The following SLC12A8 variants were observed in gnomAD, a reference collection of about 807,000 sequenced individuals.
SLC12A8 encodes the protein solute carrier family 12 member 8, also known as cation-chloride cotransporter 9.
A neutral mutation model predicts 75.6 loss-of-function variants in SLC12A8; 69 were observed. The ratio of observed to expected loss-of-function variants is 0.91; its 90% CI spans 0.75 to 1.11. The LOEUF (loss-of-function observed/expected upper bound fraction) is 1.11. Ranked by LOEUF, SLC12A8 falls within the 50% of genes most tolerant of loss-of-function variation. SLC12A8 has a pLI of 0.00. For synonymous variants in SLC12A8, 365 were observed against 372.8 expected (o/e 0.98, Z 0.24); for missense variants, 877 against 896.7 (o/e 0.98, Z 0.28).
At chr3:125,130,652 G>T (rs4134412) in intron 6 of SLC12A8, among the ~76,000 whole-genome samples, 2 of 152,040 alleles carry the variant, frequency 1.3e-5, no homozygotes, top group African/African-American at 2.4e-5. Flanking sequence ...ACAAAAGCTT[G>T]GGAGTTGGAC....
At chr3:125,139,995 C>A (rs74402096) in intron 5 of SLC12A8, among the ~76,000 whole-genome samples, 61 of 152,328 alleles carry the variant, frequency 4.0e-4, no homozygotes, top group African/African-American at 1.3e-3. Flanking sequence ...TACATCTGCA[C>A]GTGAGATTGT....
intron 10 of SLC12A8, among the ~76,000 whole-genome samples, chr3:125,103,637 A>C (rs1256836803): frequency 6.6e-6 from 1 of 151,488 alleles, no homozygotes; most frequent in African/African-American, 2.4e-5. Context: ...GCTCATTGAA[A>C]AAAAATTTTT....
At chr3:125,112,239 C>T (rs1939205879) in intron 8 of SLC12A8, among the ~76,000 whole-genome samples, 1 of 152,162 alleles carries the variant, frequency 6.6e-6, no homozygotes, top group South Asian at 2.1e-4. Flanking sequence ...CTGTTGATTC[C>T]TTTCTTTATC....
chr3:125,101,092 A>G (rs967901892), intron 10 of SLC12A8, among the ~76,000 whole-genome samples: 1 of 152,136 alleles, frequency 6.6e-6, no homozygotes, highest in African/African-American at 2.4e-5. Context: ...AGTTCAAAAC[A>G]AATACCCATT....
At chr3:125,133,693 T>C (rs77488087) in intron 6 of SLC12A8, among the ~76,000 whole-genome samples, 2,716 of 152,286 alleles carry the variant, frequency 0.018, 84 homozygotes, top group African/African-American at 0.062. Context: ...CCCAAAGTTC[T>C]GAGATTGTAG....
chr3:125,181,736 G>C (rs1299998785), intron 4 of SLC12A8, among the ~76,000 whole-genome samples: 2 of 146,806 alleles, frequency 1.4e-5, no homozygotes, highest in Non-Finnish European at 3.0e-5. Context: ...TAATGAAATA[G>C]AAGAAAAAAT....
At chr3:125,130,121 T>G (rs748186945) in intron 6 of SLC12A8, among the ~76,000 whole-genome samples, 7 of 152,316 alleles carry the variant, frequency 4.6e-5, no homozygotes, top group Non-Finnish European at 8.8e-5. Flanking sequence ...TATGCGCTAT[T>G]ATCATTTTAC....
chr3:125,167,099 CT>C (rs1481250433), intron 5 of SLC12A8, among the ~76,000 whole-genome samples: 2 of 151,954 alleles, frequency 1.3e-5, no homozygotes, highest in Non-Finnish European at 2.9e-5. Context: ...AAATGAATAT[CT>C]GTTATACTCT....
chr3:125,190,416 T>C lies in SLC12A8; in HGVS notation c.157A>G (p.Ile53Val). ...DGVFTSCMINIFGVVLFLRTG... is the reference protein window; with the variant it reads ...DGVFTSCMINVFGVVLFLRTG... Reference sequence around the variant, plus strand: ...CTCAGGAAGAGCACAACCCCAAAGATGTTGATCATGCAGGATGTGAACACA... The same window carrying C: ...CTCAGGAAGAGCACAACCCCAAAGACGTTGATCATGCAGGATGTGAACACA... Residue 53 changes from isoleucine to valine, a missense_variant, in exon 3 of 14, where the codon ATC (isoleucine) becomes GTC (valine). Transcript: ENST00000469902. 4 of 1,614,172 alleles carry C rather than the reference T, an allele frequency of 2.5e-6. No individual in the cohort carries two copies. Among genetic ancestry groups the C allele is most frequent in the South Asian group, 1.1e-5 (1 of 91,070 alleles).
chr3:125,153,813 T>C (rs956567726), intron 5 of SLC12A8, among the ~76,000 whole-genome samples: 11 of 152,154 alleles, frequency 7.2e-5, no homozygotes, highest in Non-Finnish European at 1.2e-4. Flanking sequence ...CGAGACAATG[T>C]GGGGCGGATG....
At chr3:125,154,138 TAG>T (rs1488285952) in intron 5 of SLC12A8, among the ~76,000 whole-genome samples, 1 of 152,174 alleles carries the variant, frequency 6.6e-6, no homozygotes, top group African/African-American at 2.4e-5. Context: ...CAGACAGTGG[TAG>T]AGAGAATGCT....
chr3:125,142,543 A>C (rs1360441496), intron 5 of SLC12A8, among the ~76,000 whole-genome samples: 1 of 152,182 alleles, frequency 6.6e-6, no homozygotes, highest in African/African-American at 2.4e-5. Context: ...TGGGTGGAGG[A>C]AGGCAAGAAC....
intron 5 of SLC12A8, among the ~76,000 whole-genome samples, chr3:125,140,008 C>T (rs1480682194): frequency 3.3e-5 from 5 of 152,194 alleles, no homozygotes; most frequent in African/African-American, 7.2e-5. Flanking sequence ...GAGATTGTCC[C>T]GCCAGGAGGC....
intron 10 of SLC12A8, among the ~76,000 whole-genome samples, chr3:125,092,481 T>C (rs967813585): frequency 4.6e-5 from 7 of 152,146 alleles, no homozygotes; most frequent in Admixed American, 1.3e-4. Context: ...GAAGCTCAGC[T>C]CTCCCCTCTT....
intron 2 of SLC12A8, among the ~76,000 whole-genome samples, chr3:125,194,139 G>T (rs897264922): frequency 6.6e-6 from 1 of 152,228 alleles, no homozygotes; most frequent in African/African-American, 2.4e-5. Context: ...CATAAAACAT[G>T]CCTGAGGGCA....
At chr3:125,138,491 T>C (rs370848252) in intron 5 of SLC12A8, among the ~76,000 whole-genome samples, 327 of 152,264 alleles carry the variant, frequency 2.1e-3, no homozygotes, top group African/African-American at 7.4e-3. Context: ...TAAATGCTTA[T>C]AAAGAGTTTT....
chr3:125,109,602 G>A (rs1404710110), intron 9 of SLC12A8, among the ~76,000 whole-genome samples: 2 of 152,210 alleles, frequency 1.3e-5, no homozygotes, highest in East Asian at 3.8e-4. Context: ...CTCTGTTTAT[G>A]TCTCTTTGGT....
At chr3:125,189,387 CTCTTTCACCCA>C (rs1934863453) in intron 3 of SLC12A8, among the ~76,000 whole-genome samples, 3 of 152,226 alleles carry the variant, frequency 2.0e-5, no homozygotes, top group Admixed American at 2.0e-4. Flanking sequence ...ATGGCCTCCT[CTCTTTCACCCA>C]TCTAGTCCAG....
At chr3:125,145,891 G>A (rs932748461) in intron 5 of SLC12A8, among the ~76,000 whole-genome samples, 1 of 152,138 alleles carries the variant, frequency 6.6e-6, no homozygotes, top group Non-Finnish European at 1.5e-5. Context: ...GCAGTGGCAC[G>A]ATCACGGCTC....
Sources: allele counts gnomAD v4.1 joint callset (sites outside exome capture counted in the v4.1 genomes callset), GRCh38; gene constraint gnomAD v4.1.1; transcripts MANE v1.5; gene names NCBI Gene and HGNC (gene_info 2026-07-23, HGNC 2026-07-21).